Variants in NWD1 observed in about 807,000 individuals in gnomAD.
NWD1 encodes the protein NACHT and WD repeat domain containing 1.
Under a neutral mutation model 135.1 loss-of-function variants are expected in NWD1, and 129 were observed. That is an observed-to-expected ratio of 0.96 (90% confidence interval 0.83 to 1.11). NWD1 has a LOEUF of 1.11. NWD1 is among the 50% of genes least tolerant of loss of function. The pLI is 0.00. For synonymous variants in NWD1, 773 were observed against 786.0 expected (o/e 0.98, Z 0.28); for missense variants, 1,740 against 1,851.3 (o/e 0.94, Z 1.10).
In NWD1 at chr19:16,750,265, G is replaced by A; in HGVS notation, c.1623G>A (p.Glu541=). Residue 541 remains glutamate, a synonymous_variant, in exon 6 of 19, where the codon GAG becomes GAA. Transcript: ENST00000524140. ...CAGGGCGGCTGAGGCTGGCGTTTGA[G>A]GAAGCCCGGAAATGGGCCTCTTTCA... ...GNPGRLRLAF[E]EARKWASFTV... 1 of 1,613,562 alleles carries A rather than the reference G, an allele frequency of 6.2e-7. No individual in the cohort carries two copies. Among genetic ancestry groups the A allele is most frequent in the Non-Finnish European group, 8.5e-7 (1 of 1,179,852 alleles).
rs1226961033 is a variant in NWD1 at position 16,788,992 on chromosome 19, G to A, written c.2742G>A (p.Arg914=). The A allele has an allele frequency of 1.2e-6, 2 of 1,611,326 alleles. No homozygotes were observed. Among genetic ancestry groups the A allele is most frequent in the African/African-American group, 1.3e-5 (1 of 74,826 alleles). ...HMLTGHTGEV[R]CVKIFAKGTL... Reference sequence around the variant, plus strand: ...CCTGGCCTGCTGCAGGAGAGGTGAGGTGTGTGAAAATATTTGCCAAAGGGA... The same window carrying A: ...CCTGGCCTGCTGCAGGAGAGGTGAGATGTGTGAAAATATTTGCCAAAGGGA... Residue 914 remains arginine (R), a synonymous_variant, in exon 13 of 19, where the codon AGG becomes AGA. Coordinates refer to ENST00000524140, the MANE Select transcript of NWD1 (RefSeq NM_001007525.5).
intron 12 of NWD1, among the ~76,000 whole-genome samples, chr19:16,787,904 A>AATCATC (rs149004219): frequency 4.5e-4 from 55 of 121,050 alleles, no homozygotes; most frequent in African/African-American, 1.4e-3. Context: ...TAATAATAAT[A>AATCATC]ATCATCATCA....
intron 2 of NWD1, among the ~76,000 whole-genome samples, chr19:16,725,802 C>G (rs933325445): frequency 6.6e-6 from 1 of 152,052 alleles, no homozygotes; most frequent in Non-Finnish European, 1.5e-5. Flanking sequence ...ATCCATCTAC[C>G]TTGGCCTCCC....
At chr19:16,808,465 G>A (rs949423234) in intron 18 of NWD1, among the ~76,000 whole-genome samples, 22 of 151,684 alleles carry the variant, frequency 1.5e-4, no homozygotes, top group African/African-American at 5.3e-4. Context: ...CAGGAGAATC[G>A]CTTGAAATTG....
chr19:16,744,821 C>A, intron 5 of NWD1, 103 bp downstream of exon 5: 2 of 985,102 alleles, frequency 2.0e-6, no homozygotes, highest in African/African-American at 1.6e-5. Flanking sequence ...GCATTTCTTG[C>A]AAATGCCAAA....
intron 6 of NWD1, among the ~76,000 whole-genome samples, chr19:16,754,958 A>G (rs1030429185): frequency 6.6e-5 from 10 of 152,218 alleles, no homozygotes; most frequent in African/African-American, 2.2e-4. Context: ...ATCGATAAAT[A>G]TGTATAGTCT....
At chr19:16,812,315 A>G (rs1970948654) in intron 18 of NWD1, among the ~76,000 whole-genome samples, 1 of 150,852 alleles carries the variant, frequency 6.6e-6, no homozygotes, top group African/African-American at 2.4e-5. Context: ...AACAAAAACA[A>G]AAAAAAGGCC....
intron 10 of NWD1, among the ~76,000 whole-genome samples, chr19:16,772,018 T>G (rs970238546): frequency 1.3e-4 from 19 of 151,956 alleles, no homozygotes; most frequent in African/African-American, 4.3e-4. Flanking sequence ...ACAGCAAAAT[T>G]GAGTGAAAGG....
At chr19:16,754,462 TTCCATCCA>T (rs59776692) in intron 6 of NWD1, among the ~76,000 whole-genome samples, 11,884 of 128,858 alleles carry the variant, frequency 0.092, 865 homozygotes, top group African/African-American at 0.21. Flanking sequence ...CATCTCTATT[TTCCATCCA>T]TCCATCCATC....
Position 16,794,172 on chromosome 19 carries a change from C to T in NWD1, c.3214-291C>T, listed in dbSNP as rs1970342491. On this transcript the variant is annotated intron_variant, in intron 14 of 18. Coordinates refer to ENST00000524140, the MANE Select transcript of NWD1 (RefSeq NM_001007525.5). ...CCTGAGATCAAGAGTTTGAGACCAGCTTGGCCCACATGGTGAAACCCCATC... is the reference window on the plus strand; with the variant it reads ...CCTGAGATCAAGAGTTTGAGACCAGTTTGGCCCACATGGTGAAACCCCATC... Among the ~76,000 whole-genome samples the T allele has an allele frequency of 2.0e-5, 3 of 152,010 alleles. No individual in the cohort carries two copies. In the South Asian group the frequency reaches 6.2e-4, roughly 31 times the overall value.
intron 12 of NWD1, among the ~76,000 whole-genome samples, chr19:16,782,113 A>G (rs1306111545): frequency 6.7e-6 from 1 of 150,000 alleles, no homozygotes; most frequent in Non-Finnish European, 1.5e-5. Context: ...AAAAAGAAAA[A>G]AAAAAAGAAT....
At chr19:16,792,023 G>A (rs1970265094) in intron 14 of NWD1, among the ~76,000 whole-genome samples, 1 of 152,096 alleles carries the variant, frequency 6.6e-6, no homozygotes, top group African/African-American at 2.4e-5. Flanking sequence ...CACACGCTTG[G>A]CTTCTTAATC....
intron 12 of NWD1, 49 bp downstream of exon 12, chr19:16,779,514 TG>T: frequency 6.3e-7 from 1 of 1,590,092 alleles, no homozygotes; most frequent in Non-Finnish European, 8.6e-7. Context: ...AGTGAAAAGT[TG>T]GTTCTCAGAG....
intron 4 of NWD1, among the ~76,000 whole-genome samples, chr19:16,737,775 C>A (rs1017705367): frequency 6.6e-6 from 1 of 151,582 alleles, no homozygotes; most frequent in African/African-American, 2.4e-5. Context: ...AGATTGAGAC[C>A]AGCCTGGGCA....
intron 10 of NWD1, among the ~76,000 whole-genome samples, chr19:16,771,009 G>A (rs1013354014): frequency 2.6e-5 from 4 of 152,140 alleles, no homozygotes; most frequent in Non-Finnish European, 5.9e-5. Context: ...CTTTAAGAGA[G>A]GGAGATGGGG....
At chr19:16,761,828 A>C in intron 7 of NWD1, 151 bp from the exon 8 acceptor site, 3 of 539,096 alleles carry the variant, frequency 5.6e-6, no homozygotes, top group African/African-American at 1.9e-5. Flanking sequence ...GGACCAATTT[A>C]GAGATAGATG....
intron 13 of NWD1, among the ~76,000 whole-genome samples, chr19:16,789,716 C>CTT (rs11383216): frequency 0.073 from 8,696 of 119,480 alleles, 743 homozygotes; most frequent in African/African-American, 0.17. Context: ...TCCTCTCTCT[C>CTT]TTTTTTTTTT....
chr19:16,803,815 C>G, intron 17 of NWD1, among the ~76,000 whole-genome samples: 1 of 150,520 alleles, frequency 6.6e-6, no homozygotes, highest in Non-Finnish European at 1.5e-5. Context: ...ATCCCAGCTA[C>G]TGGGGAGGCT....
intron 18 of NWD1, among the ~76,000 whole-genome samples, chr19:16,810,786 A>C (rs955840015): frequency 3.3e-5 from 5 of 152,182 alleles, no homozygotes; most frequent in Admixed American, 2.0e-4. Context: ...ACTAATAAAC[A>C]AAAATGAAGA....
Sources: gnomAD v4.1 joint callset for allele counts (sites outside exome capture counted in the v4.1 genomes callset) on GRCh38, gnomAD v4.1.1 for gene constraint, MANE v1.5 for transcripts, NCBI Gene and HGNC (gene_info 2026-07-23, HGNC 2026-07-21) for gene names.